The following IP6K2 variants were observed in gnomAD, a reference collection of about 807,000 sequenced individuals.
IP6K2 encodes ATP:1D-myo-inositol-hexakisphosphate phosphotransferase.
Under a neutral mutation model 43.3 loss-of-function variants are expected in IP6K2, and 9 were observed. The observed-to-expected ratio is 0.21, with a 90% confidence interval of 0.13 to 0.36. The LOEUF is 0.36. Ranked by LOEUF, IP6K2 falls within the 10% of genes least tolerant of loss-of-function variation. IP6K2 has a pLI of 1.00. For missense variants in IP6K2, 332 were observed against 538.4 expected (o/e 0.62, Z 3.79); for synonymous variants, 209 against 202.4 (o/e 1.03, Z -0.28).
At chr3:48,689,734 C>T (rs756786163) in intron 4 of IP6K2, 21 bp from the exon 5 acceptor site, 4 of 1,606,970 alleles carry the variant, frequency 2.5e-6, no homozygotes, top group African/African-American at 2.7e-5. Flanking sequence ...AAGAATAATA[C>T]CCCCAAAAGG....
At chr3:48,694,645 G>A in intron 2 of IP6K2, 2 of 1,511,906 alleles carry the variant, frequency 1.3e-6, no homozygotes, top group South Asian at 2.6e-5. Context: ...ATCAGCACAG[G>A]CCTCCCACTC....
At chr3:48,704,567 C>G (rs1003618372) in intron 1 of IP6K2, among the ~76,000 whole-genome samples, 2 of 151,874 alleles carry the variant, frequency 1.3e-5, no homozygotes, top group Admixed American at 6.6e-5. Context: ...CACCCAGGCT[C>G]AAGTGATCCT....
intron 1 of IP6K2, among the ~76,000 whole-genome samples, chr3:48,711,100 A>G (rs938991139): frequency 2.0e-5 from 3 of 152,050 alleles, no homozygotes; most frequent in Non-Finnish European, 4.4e-5. Context: ...TAGTAGAGAC[A>G]AGGTTTCGCC....
intron 2 of IP6K2, 82 bp from the exon 3 acceptor site, chr3:48,693,261 T>C (rs758992484): frequency 1.2e-5 from 16 of 1,331,974 alleles, no homozygotes; most frequent in Non-Finnish European, 7.6e-6. Context: ...ACATTTGTTT[T>C]TTTCTTACCC....
At chr3:48,715,253 T>C in intron 1 of IP6K2, 1 of 1,527,838 alleles carries the variant, frequency 6.5e-7, no homozygotes, top group South Asian at 1.2e-5. Context: ...ATAACTTCAC[T>C]TAAAGGGAAA....
intron 1 of IP6K2, among the ~76,000 whole-genome samples, chr3:48,713,155 C>CTTAT (rs1440494777): frequency 1.3e-5 from 2 of 152,188 alleles, no homozygotes; most frequent in Non-Finnish European, 2.9e-5. Flanking sequence ...ACCTACTATT[C>CTTAT]TTATAAAACA....
At chr3:48,701,625 C>T (rs1241162061) in intron 1 of IP6K2, among the ~76,000 whole-genome samples, 3 of 147,730 alleles carry the variant, frequency 2.0e-5, no homozygotes, top group South Asian at 2.2e-4. Context: ...CTGCTGGGTG[C>T]GCTGACTCAT....
chr3:48,715,251 A>C, intron 1 of IP6K2: 2 of 1,523,370 alleles, frequency 1.3e-6, no homozygotes, highest in South Asian at 2.4e-5. Flanking sequence ...AAATAACTTC[A>C]CTTAAAGGGA....
chr3:48,694,861 A>G (rs2078144276), intron 2 of IP6K2: 3 of 1,537,518 alleles, frequency 2.0e-6, no homozygotes, highest in Non-Finnish European at 2.6e-6. Flanking sequence ...TACCAAAATC[A>G]AACTCAAATC....
At chr3:48,693,330 T>A in intron 2 of IP6K2, 151 bp from the exon 3 acceptor site, 1 of 1,099,240 alleles carries the variant, frequency 9.1e-7, no homozygotes. Flanking sequence ...TTAACAAATA[T>A]CAAAACAGCT....
intron 1 of IP6K2, among the ~76,000 whole-genome samples, chr3:48,697,919 C>T (rs529821285): frequency 2.6e-5 from 4 of 152,236 alleles, no homozygotes; most frequent in Non-Finnish European, 5.9e-5. Context: ...AGAGAGTACC[C>T]GACTATGGGC....
chr3:48,689,822 A>T, intron 4 of IP6K2, 109 bp from the exon 5 acceptor site: 2 of 864,998 alleles, frequency 2.3e-6, no homozygotes, highest in Non-Finnish European at 3.6e-6. Context: ...CTGAACCCAC[A>T]GGAGACTCCA....
intron 1 of IP6K2, chr3:48,715,440 CA>C: frequency 1.3e-6 from 2 of 1,536,100 alleles, no homozygotes; most frequent in Non-Finnish European, 1.7e-6. Context: ...GTTCATCAGT[CA>C]GTGGTTGCTC....
At chr3:48,713,924 C>G (rs1455025038) in intron 1 of IP6K2, among the ~76,000 whole-genome samples, 1 of 148,130 alleles carries the variant, frequency 6.8e-6, no homozygotes, top group African/African-American at 2.5e-5. Flanking sequence ...CGAGGCCAGC[C>G]TGGCCAACAT....
In IP6K2 at chr3:48,688,630, G is replaced by A. The variant is rs776248772; in HGVS notation, c.924C>T (p.Leu308=). 1 of 1,614,248 alleles carries A rather than the reference G, an allele frequency of 6.2e-7. No individual in the cohort carries two copies. The highest frequency in any genetic ancestry group is 8.5e-7 in the Non-Finnish European group (1 of 1,180,046). ...YLRRELLGPV[L]KKLTELKAVL... ...CTGCCTTGAGCTCAGTCAGCTTCTT[G>A]AGCACAGGGCCCAGGAGTTCACGGC... Residue 308 remains leucine (L), a synonymous_variant, in exon 6 of 6, where the codon CTC becomes CTT. Coordinates refer to ENST00000328631, the MANE Select transcript of IP6K2 (RefSeq NM_016291.4). This position sits in a 1 kb window ranked among gnomAD's most constrained non-coding sequence, Gnocchi z 5.1.
At chr3:48,709,022 T>C (rs1559558842) in intron 1 of IP6K2, among the ~76,000 whole-genome samples, 1 of 152,188 alleles carries the variant, frequency 6.6e-6, no homozygotes, top group Non-Finnish European at 1.5e-5. Flanking sequence ...TGAGCAGAGA[T>C]TGTACCACCA....
chr3:48,711,105 T>C (rs1179708606), intron 1 of IP6K2, among the ~76,000 whole-genome samples: 1 of 152,080 alleles, frequency 6.6e-6, no homozygotes, highest in Non-Finnish European at 1.5e-5. Context: ...GAGACAAGGT[T>C]TCGCCACGTT....
At chr3:48,705,485 T>C (rs947806419) in intron 1 of IP6K2, among the ~76,000 whole-genome samples, 16 of 151,810 alleles carry the variant, frequency 1.1e-4, no homozygotes, top group African/African-American at 3.6e-4. Context: ...GAGACCAGAC[T>C]GGGCAAGCTG....
intron 1 of IP6K2, chr3:48,708,199 C>A (rs966770538): frequency 6.6e-6 from 1 of 152,074 alleles, no homozygotes; most frequent in South Asian, 2.1e-4. Flanking sequence ...GAGCCGTGAT[C>A]ACATGACTGT....
Sources: allele counts gnomAD v4.1 joint callset (sites outside exome capture counted in the v4.1 genomes callset), GRCh38; gene constraint gnomAD v4.1.1; non-coding constraint Gnocchi (gnomAD v3.1); transcripts MANE v1.5; gene names NCBI Gene and HGNC (gene_info 2026-07-23, HGNC 2026-07-21).